CSMD1: variants seen among roughly 807,000 people sequenced by gnomAD.
CSMD1 encodes CUB and Sushi multiple domains 1, also known as CUB and sushi domain-containing protein 1.
CSMD1 carries 213 observed loss-of-function variants against 417.5 expected under a neutral mutation model. That is an observed-to-expected ratio of 0.51 (90% CI 0.46 to 0.57). CSMD1 has a LOEUF of 0.57. Among genes scored for constraint, CSMD1 ranks in the 20% least tolerant of loss-of-function variants. The probability of loss-of-function intolerance (pLI) is 0.00; values close to 1 mark genes in which losing one functional copy is unlikely to be tolerated. For synonymous variants in CSMD1, 2,862 were observed against 1,736.8 expected (o/e 1.65, Z -16.11); for missense variants, 6,923 against 4,529.7 (o/e 1.53, Z -15.17).
intron 5 of CSMD1, among the ~76,000 whole-genome samples, chr8:3,787,423 T>C (rs60689343): frequency 0.021 from 3,261 of 152,262 alleles, 57 homozygotes; most frequent in South Asian, 0.048. Flanking sequence ...AATTCATGAA[T>C]TTCAATTCAT....
At chr8:3,984,098 T>C (rs1814122774) in intron 5 of CSMD1, among the ~76,000 whole-genome samples, 1 of 146,594 alleles carries the variant, frequency 6.8e-6, no homozygotes, top group Admixed American at 6.8e-5. Flanking sequence ...AACAGGGCTG[T>C]CAATAGCAAC....
intron 49 of CSMD1, among the ~76,000 whole-genome samples, chr8:3,075,271 T>C (rs201887554): frequency 4.1e-5 from 3 of 73,520 alleles, no homozygotes; most frequent in African/African-American, 4.5e-5. Context: ...TCTTTTCTTT[T>C]CTTTCTTTCT....
chr8:4,332,562 C>T (rs1028611893), intron 3 of CSMD1, among the ~76,000 whole-genome samples: 1 of 37,836 alleles, frequency 2.6e-5, no homozygotes, highest in East Asian at 4.7e-4. Context: ...TACACACACA[C>T]ACACACACAC....
rs755230269 is a variant in CSMD1 at position 3,616,726 on chromosome 8, C to T, written c.1081G>A (p.Ala361Thr). The stretch of plus-strand genomic sequence containing the variant: ...ATCTCTTACCTGAAGTCGGAACCTG[C>T]TCTTCTACCATTTTCTGGAATCCCA... ...DPGIPENGRR[A>T]GSDFRVGANV... The change falls in exon 8 of 70, where the codon GCA becomes ACA. Residue 361 changes from alanine (A) to threonine (T), a missense_variant. Coordinates refer to ENST00000635120, the MANE Select transcript of CSMD1 (RefSeq NM_033225.6). 1 of 1,611,174 alleles carries T rather than the reference C, an allele frequency of 6.2e-7. No homozygotes were observed. Among genetic ancestry groups the T allele is most frequent in the African/African-American group, 1.3e-5 (1 of 74,984 alleles).
Position 4,140,756 on chromosome 8 carries a change from C to T in CSMD1, c.416-108657G>A, listed in dbSNP as rs186353227. ...TTCCCCACTCTAAGTATCTTCATCT[C>T]CTCCCCTCCAGCTTTGCTCTCCCCT... On this transcript the variant is annotated intron_variant, in intron 3 of 69. Coordinates refer to ENST00000635120, the MANE Select transcript of CSMD1 (RefSeq NM_033225.6). Among the ~76,000 whole-genome samples, 34 of 151,032 alleles carry T rather than the reference C, an allele frequency of 2.3e-4. 1 individual carries two copies. Among genetic ancestry groups the T allele is most frequent in the African/African-American group, 7.7e-4 (31 of 40,384 alleles).
At chr8:3,681,870 C>T (rs1201183774) in intron 7 of CSMD1, among the ~76,000 whole-genome samples, 2 of 152,050 alleles carry the variant, frequency 1.3e-5, no homozygotes, top group South Asian at 2.1e-4. Context: ...AGAACAGAGC[C>T]CTCAGAAATA....
At chr8:3,499,584 T>G (rs1025292933) in intron 10 of CSMD1, among the ~76,000 whole-genome samples, 2 of 151,978 alleles carry the variant, frequency 1.3e-5, no homozygotes, top group Non-Finnish European at 2.9e-5. Context: ...AGGGTGCTTG[T>G]TGGTAGTGTG....
At chr8:3,830,781 G>A (rs1352041624) in intron 5 of CSMD1, among the ~76,000 whole-genome samples, 1 of 152,126 alleles carries the variant, frequency 6.6e-6, no homozygotes, top group African/African-American at 2.4e-5. Context: ...GAATGGATAT[G>A]CACGCCAGTA....
intron 1 of CSMD1, among the ~76,000 whole-genome samples, chr8:4,752,801 G>A (rs372982917): frequency 6.6e-6 from 1 of 152,132 alleles, no homozygotes; most frequent in Non-Finnish European, 1.5e-5. Flanking sequence ...GAAGGCATCA[G>A]TACCTGGAGA....
intron 3 of CSMD1, among the ~76,000 whole-genome samples, chr8:4,041,410 T>G (rs959625143): frequency 6.6e-6 from 1 of 152,200 alleles, no homozygotes; most frequent in Admixed American, 6.5e-5. Context: ...TCAAGCTTAC[T>G]ACTACGAAAA....
chr8:3,810,875 G>A (rs1250251635), intron 5 of CSMD1, among the ~76,000 whole-genome samples: 4 of 152,086 alleles, frequency 2.6e-5, no homozygotes, highest in Admixed American at 6.6e-5. Context: ...AGCTTTAAAC[G>A]CAGGCATTTT....
chr8:4,654,649 T>A (rs1804116863), intron 1 of CSMD1, among the ~76,000 whole-genome samples: 2 of 152,096 alleles, frequency 1.3e-5, no homozygotes, highest in Admixed American at 6.5e-5. Flanking sequence ...TCAGCTTAGA[T>A]TGTAATAAGT....
rs530105091 is a variant in CSMD1, at chr8:4,888,671, G to T, written c.85+105661C>A. Among the ~76,000 whole-genome samples the T allele has an allele frequency of 7.3e-4, 111 of 152,222 alleles. 1 individual carries two copies. The highest frequency in any genetic ancestry group is 2.5e-3 in the South Asian group (12 of 4,828). ...CCATAAATATCATTTGCCAACAAAA[G>T]AAACCAGGGGTCCTTGAGGTAATGA... On this transcript the variant is annotated intron_variant, in intron 1 of 69. Transcript: ENST00000635120.
At chr8:3,450,657 T>A (rs1163439196) in intron 12 of CSMD1, among the ~76,000 whole-genome samples, 3 of 152,164 alleles carry the variant, frequency 2.0e-5, no homozygotes, top group African/African-American at 7.2e-5. Context: ...TCATTTTTCA[T>A]GGCTGCGTAG....
At chr8:3,933,000 T>C (rs1810258614) in intron 5 of CSMD1, among the ~76,000 whole-genome samples, 1 of 149,684 alleles carries the variant, frequency 6.7e-6, no homozygotes, top group Non-Finnish European at 1.5e-5. Flanking sequence ...TTTTTAAATG[T>C]TTAACATTAT....
intron 5 of CSMD1, among the ~76,000 whole-genome samples, chr8:3,772,549 A>G (rs1157924780): frequency 8.8e-6 from 1 of 114,078 alleles, no homozygotes; most frequent in African/African-American, 3.2e-5. Flanking sequence ...ATACACATAT[A>G]TACATATATA....
rs181746132 is a variant in CSMD1, at chr8:3,024,998, T to C, written c.7855+4321A>G. On this transcript the variant is annotated intron_variant, in intron 51 of 69. Transcript: ENST00000635120. ...TGTTATTCTAAAACTGTGTATTGTG[T>C]GGTGTTATTCTGAAACCGTGTATTG... is the stretch of plus-strand genomic sequence containing the variant. Among the ~76,000 whole-genome samples, 541 of 151,776 alleles carry C rather than the reference T, an allele frequency of 3.6e-3. 2 individuals are homozygous for C. Among genetic ancestry groups the C allele is most frequent in the African/African-American group, 0.012 (510 of 41,314 alleles).
chr8:4,833,110 C>A (rs771139313), intron 1 of CSMD1, among the ~76,000 whole-genome samples: 1 of 152,236 alleles, frequency 6.6e-6, no homozygotes, highest in Admixed American at 6.5e-5. Flanking sequence ...TTTGAGTTTT[C>A]ATTTATTCGT....
chr8:3,258,112 C>A (rs1032287902), intron 26 of CSMD1, among the ~76,000 whole-genome samples: 2 of 151,938 alleles, frequency 1.3e-5, no homozygotes, highest in African/African-American at 2.4e-5. Context: ...GGATGGGCTG[C>A]ATGTGGGATA....
Sources: gnomAD v4.1 joint callset for allele counts (sites outside exome capture counted in the v4.1 genomes callset) on GRCh38, gnomAD v4.1.1 for gene constraint, MANE v1.5 for transcripts, NCBI Gene and HGNC (gene_info 2026-07-23, HGNC 2026-07-21) for gene names.